Variants in CAST observed in about 807,000 individuals in gnomAD.
The protein encoded by CAST is calpastatin, also known as MIR583 host.
A neutral mutation model predicts 119.6 loss-of-function variants in CAST; 76 were observed. The ratio of observed to expected loss-of-function variants is 0.64; its 90% CI spans 0.53 to 0.77. The LOEUF (loss-of-function observed/expected upper bound fraction) is 0.77. Among genes scored for constraint, CAST ranks in the 30% least tolerant of loss-of-function variants. The pLI is 0.00. For synonymous variants in CAST, 319 were observed against 331.6 expected (o/e 0.96, Z 0.41); for missense variants, 953 against 946.5 (o/e 1.01, Z -0.09).
At chr5:96,351,867 T>C in the CAST span, among the ~76,000 whole-genome samples, 1 of 152,148 alleles carries the variant, frequency 6.6e-6, no homozygotes, top group Non-Finnish European at 1.5e-5. Flanking sequence ...AAATAATAAA[T>C]GTAGAAAGAA....
the CAST span, among the ~76,000 whole-genome samples, chr5:96,358,013 T>G: frequency 6.6e-6 from 1 of 152,242 alleles, no homozygotes; most frequent in Non-Finnish European, 1.5e-5. Context: ...TCAGAACTTG[T>G]TATTGGTCTA....
At chr5:96,255,591 A>C in the CAST span, among the ~76,000 whole-genome samples, 1 of 152,126 alleles carries the variant, frequency 6.6e-6, no homozygotes, top group Non-Finnish European at 1.5e-5. Flanking sequence ...TCTGTGGAAC[A>C]CTATGAAAGT....
chr5:96,719,920 T>C (rs181002254), intron 3 of CAST, among the ~76,000 whole-genome samples: 1 of 152,302 alleles, frequency 6.6e-6, no homozygotes, highest in East Asian at 1.9e-4. Context: ...CAGGTCACAT[T>C]ATCAGAACTG....
chr5:96,588,396 T>C (rs1324148006), intron 1 of CAST, among the ~76,000 whole-genome samples: 2 of 152,008 alleles, frequency 1.3e-5, no homozygotes, highest in African/African-American at 4.8e-5. Flanking sequence ...GAGATGGGGC[T>C]TCACCATGTT....
At chr5:96,376,287 T>C in the CAST span, among the ~76,000 whole-genome samples, 1 of 152,050 alleles carries the variant, frequency 6.6e-6, no homozygotes, top group African/African-American at 2.4e-5. Context: ...TTTGTGGTGA[T>C]GCTAATGTAA....
the CAST span, among the ~76,000 whole-genome samples, chr5:96,249,886 C>T: frequency 2.6e-5 from 4 of 152,132 alleles, no homozygotes; most frequent in African/African-American, 9.7e-5. Flanking sequence ...TGGCATTCAT[C>T]CTATGCTTGA....
chr5:96,335,704 G>T, the CAST span, among the ~76,000 whole-genome samples: 1 of 152,078 alleles, frequency 6.6e-6, no homozygotes, highest in Non-Finnish European at 1.5e-5. Context: ...CTTTTCTTGG[G>T]CACTCTTCAG....
At chr5:96,606,936 G>C (rs374955990) in intron 1 of CAST, among the ~76,000 whole-genome samples, 4 of 152,222 alleles carry the variant, frequency 2.6e-5, no homozygotes, top group Non-Finnish European at 5.9e-5. Flanking sequence ...CTGGGAATAA[G>C]GCCCGCAATC....
chr5:96,005,384 A>G, the CAST span, among the ~76,000 whole-genome samples: 1 of 152,176 alleles, frequency 6.6e-6, no homozygotes, highest in Non-Finnish European at 1.5e-5. Flanking sequence ...GTAACACTAG[A>G]TGGGTTAGAA....
At chr5:96,148,432 A>C in the CAST span, among the ~76,000 whole-genome samples, 1 of 152,234 alleles carries the variant, frequency 6.6e-6, no homozygotes, top group Admixed American at 6.5e-5. Context: ...GTTTATAATT[A>C]GAATCTTCAT....
the CAST span, among the ~76,000 whole-genome samples, chr5:96,333,177 G>T: frequency 6.6e-6 from 1 of 151,860 alleles, no homozygotes; most frequent in Non-Finnish European, 1.5e-5. Flanking sequence ...GTTAACAGGG[G>T]CAGGGGCTTG....
chr5:96,228,342 T>C, the CAST span, among the ~76,000 whole-genome samples: 1 of 152,192 alleles, frequency 6.6e-6, no homozygotes, highest in Non-Finnish European at 1.5e-5. Flanking sequence ...TTCTAATTAA[T>C]ACACCCTGAA....
the CAST span, among the ~76,000 whole-genome samples, chr5:96,473,984 C>T: frequency 6.6e-6 from 1 of 152,036 alleles, no homozygotes; most frequent in Non-Finnish European, 1.5e-5. Flanking sequence ...TAAGAAAGAG[C>T]CAGGTGAGAA....
chr5:96,453,533 C>T, the CAST span, among the ~76,000 whole-genome samples: 25 of 152,124 alleles, frequency 1.6e-4, no homozygotes, highest in African/African-American at 6.0e-4. Flanking sequence ...AATAATGTGT[C>T]AATGTAGCTA....
At chr5:96,122,680 G>C in the CAST span, among the ~76,000 whole-genome samples, 4 of 151,614 alleles carry the variant, frequency 2.6e-5, no homozygotes, top group Admixed American at 6.6e-5. Flanking sequence ...GAAGAAATAA[G>C]ATAATTATCT....
chr5:96,443,507 G>A, the CAST span, among the ~76,000 whole-genome samples: 1 of 152,154 alleles, frequency 6.6e-6, no homozygotes, highest in Admixed American at 6.5e-5. Context: ...CTAATCAATT[G>A]TGATCACCAA....
the CAST span, among the ~76,000 whole-genome samples, chr5:96,409,767 G>C: frequency 5.3e-5 from 8 of 152,266 alleles, no homozygotes; most frequent in South Asian, 1.7e-3. Context: ...AAAACCCCTC[G>C]GTAGAATGCC....
chr5:96,093,887 T>C, the CAST span, among the ~76,000 whole-genome samples: 25 of 152,300 alleles, frequency 1.6e-4, no homozygotes, highest in Non-Finnish European at 2.9e-4. Flanking sequence ...CTGACCAAGC[T>C]CAAAGAAGTT....
chr5:96,285,754 T>C, the CAST span, among the ~76,000 whole-genome samples: 1 of 152,210 alleles, frequency 6.6e-6, no homozygotes, highest in Non-Finnish European at 1.5e-5. Flanking sequence ...TTTAATGGAT[T>C]ACTCAGTGCT....
Sources: allele counts gnomAD v4.1 joint callset (sites outside exome capture counted in the v4.1 genomes callset), GRCh38; gene constraint gnomAD v4.1.1; transcripts MANE v1.5; gene names NCBI Gene and HGNC (gene_info 2026-07-23, HGNC 2026-07-21).